The following MDGA2 variants were observed in gnomAD, a reference collection of about 807,000 sequenced individuals.
The protein encoded by MDGA2 is MAM domain-containing glycosylphosphatidylinositol anchor protein 2.
Under a neutral mutation model 117.8 loss-of-function variants are expected in MDGA2, and 40 were observed. The ratio of observed to expected loss-of-function variants is 0.34; its 90% CI spans 0.26 to 0.44. The LOEUF (loss-of-function observed/expected upper bound fraction) is 0.44. Ranked by LOEUF, MDGA2 falls within the 20% of genes least tolerant of loss-of-function variation. The pLI, the probability that MDGA2 is intolerant of heterozygous loss-of-function variation, is 1.00. For synonymous variants in MDGA2, 452 were observed against 439.0 expected (o/e 1.03, Z -0.37); for missense variants, 1,123 against 1,250.6 (o/e 0.90, Z 1.54).
chr14:47,412,207 C>CA (rs535967930), intron 1 of MDGA2, among the ~76,000 whole-genome samples: 1 of 152,098 alleles, frequency 6.6e-6, no homozygotes, highest in East Asian at 1.9e-4. Context: ...AACAAACAAA[C>CA]AAAAAACCTT....
intron 10 of MDGA2, among the ~76,000 whole-genome samples, chr14:46,916,423 T>TAA (rs541791257): frequency 6.9e-5 from 10 of 144,164 alleles, no homozygotes; most frequent in African/African-American, 2.0e-4. Context: ...CTTTAGAATG[T>TAA]AAAAAAAAAA....
intron 1 of MDGA2, among the ~76,000 whole-genome samples, chr14:47,592,852 A>T (rs1030617632): frequency 2.0e-5 from 3 of 152,240 alleles, no homozygotes; most frequent in Admixed American, 2.0e-4. Context: ...CGAAAATGTC[A>T]AAAGTAATTG....
intron 2 of MDGA2, among the ~76,000 whole-genome samples, chr14:47,295,542 T>C (rs1205382463): frequency 1.3e-5 from 2 of 152,044 alleles, no homozygotes; most frequent in East Asian, 1.9e-4. Context: ...AGATAAAAAA[T>C]GTTTGAGGTC....
chr14:47,441,940 A>G (rs934104968), intron 1 of MDGA2, among the ~76,000 whole-genome samples: 1 of 152,166 alleles, frequency 6.6e-6, no homozygotes, highest in Non-Finnish European at 1.5e-5. Context: ...ATATTTTCCT[A>G]TTTGATTTCA....
At chr14:47,275,107 T>C (rs1447188696) in intron 2 of MDGA2, among the ~76,000 whole-genome samples, 1 of 152,198 alleles carries the variant, frequency 6.6e-6, no homozygotes, top group Non-Finnish European at 1.5e-5. Flanking sequence ...TTATTGCTTG[T>C]GCTTTTGGTG....
intron 1 of MDGA2, among the ~76,000 whole-genome samples, chr14:47,586,706 C>G (rs1896331483): frequency 6.6e-6 from 1 of 151,874 alleles, no homozygotes. Flanking sequence ...CACACCCACC[C>G]TCCATGAGGG....
chr14:46,839,774 A>G (rs1880535362), downstream of MDGA2, among the ~76,000 whole-genome samples: 1 of 151,952 alleles, frequency 6.6e-6, no homozygotes, highest in Non-Finnish European at 1.5e-5. Context: ...TATTATGTTT[A>G]ATTTAAAGGA....
At chr14:47,434,236 C>A (rs932888421) in intron 1 of MDGA2, among the ~76,000 whole-genome samples, 1 of 151,920 alleles carries the variant, frequency 6.6e-6, no homozygotes, top group Admixed American at 6.6e-5. Context: ...GACAAAAATT[C>A]AACTATTTCA....
At chr14:47,595,070 G>C (rs1349796685) in intron 1 of MDGA2, among the ~76,000 whole-genome samples, 1 of 151,994 alleles carries the variant, frequency 6.6e-6, no homozygotes, top group African/African-American at 2.4e-5. Context: ...ATATACACGT[G>C]CTTATCTAGA....
At chr14:47,130,914 T>C (rs535309425) in intron 5 of MDGA2, among the ~76,000 whole-genome samples, 7 of 152,124 alleles carry the variant, frequency 4.6e-5, no homozygotes, top group Non-Finnish European at 1.0e-4. Flanking sequence ...ATATACCTAA[T>C]GTAAATGACG....
intron 1 of MDGA2, among the ~76,000 whole-genome samples, chr14:47,480,513 G>A (rs1467399569): frequency 6.6e-6 from 1 of 151,758 alleles, no homozygotes; most frequent in Non-Finnish European, 1.5e-5. Context: ...AAGATTTCAA[G>A]CAACAAATAT....
chr14:47,313,771 T>C (rs999103964), intron 1 of MDGA2, among the ~76,000 whole-genome samples: 1 of 152,142 alleles, frequency 6.6e-6, no homozygotes, highest in Non-Finnish European at 1.5e-5. Flanking sequence ...TGAAGAAATA[T>C]ATACCTCCAT....
At chr14:47,315,009 A>G (rs998316981) in intron 1 of MDGA2, among the ~76,000 whole-genome samples, 9 of 152,254 alleles carry the variant, frequency 5.9e-5, no homozygotes, top group African/African-American at 1.7e-4. Context: ...GATGCTTGGA[A>G]AAGTTAATTT....
chr14:47,024,939 G>T (rs572943447), intron 8 of MDGA2, among the ~76,000 whole-genome samples: 2 of 152,198 alleles, frequency 1.3e-5, no homozygotes, highest in African/African-American at 4.8e-5. Context: ...TCATGGAACA[G>T]CATGAAATAC....
rs111511237 is a variant in MDGA2 at position 47,247,155 on chromosome 14, G to C, written c.421-28960C>G. On this transcript the variant is annotated intron_variant, in intron 2 of 16. Transcript: ENST00000399232. ...TGGCCACAAGGAAAATTTAAACCTT[G>C]CAGGACAAGAGGTGCTGCGTCTGCT... Among the ~76,000 whole-genome samples, 157 of 151,856 alleles carry C rather than the reference G, an allele frequency of 1.0e-3. 3 individuals carry two copies. The highest frequency in any genetic ancestry group is 3.7e-3 in the African/African-American group (153 of 41,500).
rs1452584499 is a variant in MDGA2, at chr14:47,479,184, T to C, written c.281-177634A>G. Among the ~76,000 whole-genome samples, 3 of 152,274 alleles carry C rather than the reference T, an allele frequency of 2.0e-5. No homozygotes were observed. The South Asian group carries it at 6.2e-4, about 32-fold the overall frequency. On this transcript the variant is annotated intron_variant, in intron 1 of 16. Coordinates refer to ENST00000399232, the MANE Select transcript of MDGA2 (RefSeq NM_001113498.3). ...GAGATGTAGGGTGAAATGATGATGA[T>C]TTAAATAATAATATTCAATCTGAAC...
At chr14:47,304,691 C>T (rs1889386413) in intron 1 of MDGA2, among the ~76,000 whole-genome samples, 1 of 152,072 alleles carries the variant, frequency 6.6e-6, no homozygotes, top group Non-Finnish European at 1.5e-5. Flanking sequence ...ACAATATCTC[C>T]CTATGACATT....
At chr14:47,323,500 T>G (rs1566738620) in intron 1 of MDGA2, among the ~76,000 whole-genome samples, 1 of 151,700 alleles carries the variant, frequency 6.6e-6, no homozygotes, top group Admixed American at 6.6e-5. Context: ...GGCATGGTGG[T>G]GCAGGCCTGT....
chr14:47,556,147 G>C (rs1895678752), intron 1 of MDGA2, among the ~76,000 whole-genome samples: 1 of 152,088 alleles, frequency 6.6e-6, no homozygotes. Flanking sequence ...CCCAGCATCA[G>C]ACCTTAGGTT....
Sources: gnomAD v4.1 joint callset for allele counts (sites outside exome capture counted in the v4.1 genomes callset) on GRCh38, gnomAD v4.1.1 for gene constraint, MANE v1.5 for transcripts, NCBI Gene and HGNC (gene_info 2026-07-23, HGNC 2026-07-21) for gene names.